TMPRSS11F: variants seen among roughly 807,000 people sequenced by gnomAD.
The protein encoded by TMPRSS11F is transmembrane serine protease 11F.
Under a neutral mutation model 60.2 loss-of-function variants are expected in TMPRSS11F, and 47 were observed. The ratio of observed to expected loss-of-function variants is 0.78; its 90% CI spans 0.62 to 1.00. TMPRSS11F has a LOEUF of 1.00. Ranked by LOEUF, TMPRSS11F falls within the 50% of genes least tolerant of loss-of-function variation. TMPRSS11F has a pLI of 0.00. For missense variants in TMPRSS11F, 519 were observed against 522.9 expected (o/e 0.99, Z 0.07); for synonymous variants, 166 against 167.3 (o/e 0.99, Z 0.06).
At chr4:68,070,049 T>C (rs1244788564) in intron 5 of TMPRSS11F, 42 bp from the exon 6 acceptor site, 2 of 1,556,314 alleles carry the variant, frequency 1.3e-6, no homozygotes, top group African/African-American at 1.4e-5. Context: ...GAAGAATATA[T>C]TCCCATTTTC....
intron 2 of TMPRSS11F, among the ~76,000 whole-genome samples, chr4:68,094,255 T>C (rs1301736354): frequency 1.7e-5 from 2 of 116,494 alleles, no homozygotes; most frequent in African/African-American, 2.9e-5. Flanking sequence ...TGTAGGGACA[T>C]GGATGAAATT....
chr4:68,112,787 T>C (rs12503983), intron 1 of TMPRSS11F, among the ~76,000 whole-genome samples: 32,973 of 152,042 alleles, frequency 0.22, 4,011 homozygotes, highest in Admixed American at 0.37. Context: ...CACTATAATC[T>C]ACCTCATTTA....
At chr4:68,090,685 A>C (rs1287031085) in intron 2 of TMPRSS11F, 44 bp from the exon 3 acceptor site, 10 of 1,565,044 alleles carry the variant, frequency 6.4e-6, no homozygotes, top group South Asian at 1.2e-5. Context: ...AAAGGTAATA[A>C]GTTGTTTTGT....
intron 1 of TMPRSS11F, among the ~76,000 whole-genome samples, chr4:68,109,551 A>G (rs1008225304): frequency 6.6e-6 from 1 of 152,178 alleles, no homozygotes; most frequent in East Asian, 1.9e-4. Flanking sequence ...TTTTAAATCA[A>G]CCACCTAAAT....
chr4:68,083,172 C>T (rs1723741141), intron 3 of TMPRSS11F, among the ~76,000 whole-genome samples: 1 of 152,200 alleles, frequency 6.6e-6, no homozygotes, highest in African/African-American at 2.4e-5. Context: ...ATATACCCCA[C>T]AACCTGCTCT....
chr4:68,067,014 A>G (rs542286307), intron 7 of TMPRSS11F, among the ~76,000 whole-genome samples: 13 of 152,268 alleles, frequency 8.5e-5, no homozygotes, highest in East Asian at 5.8e-4. Flanking sequence ...TCACAACAGT[A>G]TACCACATTG....
chr4:68,110,097 T>A (rs1303405120), intron 1 of TMPRSS11F, among the ~76,000 whole-genome samples: 3 of 152,174 alleles, frequency 2.0e-5, no homozygotes, highest in Non-Finnish European at 4.4e-5. Context: ...CATTAGATAT[T>A]CCGTTTGGGC....
At chr4:68,094,485 C>G (rs1450563762) in intron 2 of TMPRSS11F, among the ~76,000 whole-genome samples, 4 of 147,224 alleles carry the variant, frequency 2.7e-5, no homozygotes, top group Admixed American at 1.4e-4. Context: ...ACCAGCATGG[C>G]ACATGTATAC....
rs1407152084 is a variant in TMPRSS11F, at chr4:68,064,969, T to TTGTGATGC, written c.756-33_756-26dup. ...TCTGCAAAAAATTAAAAAGTAATAC[T>TTGTGATGC]TGTGATGCTTGACTTAATTCTGTAA... On this transcript the variant is annotated intron_variant, in intron 7 of 9. Transcript: ENST00000356291. 1.9e-6 allele frequency: 3 copies of TTGTGATGC among 1,589,656 alleles called. No individual in the cohort carries two copies. In the African/African-American group the frequency reaches 4.0e-5, roughly 21 times the overall value.
intron 3 of TMPRSS11F, among the ~76,000 whole-genome samples, chr4:68,083,684 A>G (rs1723750892): frequency 6.6e-6 from 1 of 152,206 alleles, no homozygotes; most frequent in Admixed American, 6.5e-5. Flanking sequence ...AGCCCCATTC[A>G]AACGACAGCA....
intron 1 of TMPRSS11F, among the ~76,000 whole-genome samples, chr4:68,124,484 C>T (rs1724678613): frequency 1.3e-5 from 2 of 152,046 alleles, no homozygotes; most frequent in South Asian, 2.1e-4. Flanking sequence ...GAGCAAAACC[C>T]GGGCGACCAA....
chr4:68,070,429 G>A (rs1723432950), intron 5 of TMPRSS11F, among the ~76,000 whole-genome samples: 1 of 152,172 alleles, frequency 6.6e-6, no homozygotes, highest in Non-Finnish European at 1.5e-5. Context: ...AGAAATGGTA[G>A]CTCTATGGAG....
chr4:68,116,829 A>G (rs1000946139), intron 1 of TMPRSS11F, among the ~76,000 whole-genome samples: 1 of 152,234 alleles, frequency 6.6e-6, no homozygotes, highest in African/African-American at 2.4e-5. Context: ...CACACCTTTC[A>G]TAAAAATCAA....
At chr4:68,063,053 T>A (rs1208468868) in intron 8 of TMPRSS11F, 2 of 658,552 alleles carry the variant, frequency 3.0e-6, no homozygotes, top group Non-Finnish European at 5.9e-6. Flanking sequence ...ACATTTTATC[T>A]TGTGAATTGT....
chr4:68,078,816 A>G (rs1723637706), intron 3 of TMPRSS11F, among the ~76,000 whole-genome samples: 1 of 152,096 alleles, frequency 6.6e-6, no homozygotes, highest in Admixed American at 6.5e-5. Flanking sequence ...CAATTTCACT[A>G]AGCTTCTCTG....
At chr4:68,109,574 A>G (rs1276241429) in intron 1 of TMPRSS11F, among the ~76,000 whole-genome samples, 1 of 152,198 alleles carries the variant, frequency 6.6e-6, no homozygotes, top group African/African-American at 2.4e-5. Flanking sequence ...TGTGTCTCAA[A>G]ATTTGAAATA....
chr4:68,100,233 G>C (rs1341890161), intron 1 of TMPRSS11F, among the ~76,000 whole-genome samples: 1 of 152,124 alleles, frequency 6.6e-6, no homozygotes, highest in African/African-American at 2.4e-5. Flanking sequence ...CTGGGAAGAG[G>C]ATATGGTAGA....
intron 9 of TMPRSS11F, among the ~76,000 whole-genome samples, chr4:68,057,300 AAGG>A (rs1323171963): frequency 5.4e-4 from 82 of 151,320 alleles, no homozygotes; most frequent in Non-Finnish European, 1.2e-3. Flanking sequence ...AAAAAAAAAA[AAGG>A]AGAAGAAGAA....
At chr4:68,099,579 T>C (rs1437066062) in intron 1 of TMPRSS11F, among the ~76,000 whole-genome samples, 1 of 152,216 alleles carries the variant, frequency 6.6e-6, no homozygotes, top group African/African-American at 2.4e-5. Flanking sequence ...AAAAATATCT[T>C]ACATCATTTA....
Sources: gnomAD v4.1 joint callset for allele counts (sites outside exome capture counted in the v4.1 genomes callset) on GRCh38, gnomAD v4.1.1 for gene constraint, MANE v1.5 for transcripts, NCBI Gene and HGNC (gene_info 2026-07-23, HGNC 2026-07-21) for gene names.